The following KCNK2 variants were observed in gnomAD, a reference collection of about 807,000 sequenced individuals.
The protein encoded by KCNK2 is potassium channel subfamily K member 2.
Under a neutral mutation model 40.5 loss-of-function variants are expected in KCNK2, and 21 were observed. The ratio of observed to expected loss-of-function variants is 0.52; its 90% CI spans 0.37 to 0.75. The LOEUF is 0.75. KCNK2 is among the 30% of genes least tolerant of loss of function. The probability of loss-of-function intolerance (pLI) is 0.00; values close to 1 mark genes in which losing one functional copy is unlikely to be tolerated. For synonymous variants in KCNK2, 191 were observed against 202.2 expected, an observed-to-expected ratio of 0.94 and a Z score of 0.47; for missense variants, 399 against 531.6, an observed-to-expected ratio of 0.75 and a Z score of 2.45.
At chr1:215,176,429 T>A (rs943567032) in intron 5 of KCNK2, among the ~76,000 whole-genome samples, 1 of 152,116 alleles carries the variant, frequency 6.6e-6, no homozygotes, top group Admixed American at 6.6e-5. Context: ...GCTGCACAGA[T>A]CAACCCATCA....
chr1:215,007,575 C>G (rs1244058300), intron 1 of KCNK2, among the ~76,000 whole-genome samples: 1 of 151,938 alleles, frequency 6.6e-6, no homozygotes, highest in Non-Finnish European at 1.5e-5. Flanking sequence ...TTCTAGTGCT[C>G]TAATTTCTTC....
intron 2 of KCNK2, among the ~76,000 whole-genome samples, chr1:215,124,254 T>G (rs1379185285): frequency 6.6e-6 from 1 of 152,194 alleles, no homozygotes; most frequent in East Asian, 1.9e-4. Context: ...ATGAAGCTAT[T>G]ATATATTATT....
chr1:215,192,752 G>A (rs1276453576), intron 5 of KCNK2, among the ~76,000 whole-genome samples: 1 of 152,122 alleles, frequency 6.6e-6, no homozygotes, highest in Non-Finnish European at 1.5e-5. Context: ...ATCACGAGAT[G>A]CATTTATAAT....
At chr1:215,150,327 A>G (rs776953941) in intron 3 of KCNK2, among the ~76,000 whole-genome samples, 13 of 152,190 alleles carry the variant, frequency 8.5e-5, no homozygotes, top group African/African-American at 2.7e-4. Context: ...TCTATTTGTT[A>G]TCTTATGTGT....
chr1:215,057,297 C>CT (rs1473562977), intron 1 of KCNK2, among the ~76,000 whole-genome samples: 1 of 150,814 alleles, frequency 6.6e-6, no homozygotes, highest in East Asian at 2.0e-4. Context: ...GCAAAATGAT[C>CT]TTTTAAGTGC....
At chr1:215,174,448 A>G (rs1663861428) in intron 5 of KCNK2, among the ~76,000 whole-genome samples, 1 of 152,210 alleles carries the variant, frequency 6.6e-6, no homozygotes. Flanking sequence ...TGACTTGGCA[A>G]TGCGGGCTCT....
In KCNK2 at chr1:215,177,512, A is replaced by G. The variant is rs1419211416; in HGVS notation, c.823+5329A>G. 2.0e-5 allele frequency among the ~76,000 whole-genome samples: 3 copies of G among 151,912 alleles called. No homozygotes were observed. The East Asian group carries it at 5.8e-4, about 29-fold the overall frequency. On this transcript the variant is annotated intron_variant, in intron 5 of 6. Transcript: ENST00000444842. ...GGTCTTACATTTAAATATTTAATCCATCTTGAGTTAATTTTTGTATATGGT... is the reference window on the plus strand; with the variant it reads ...GGTCTTACATTTAAATATTTAATCCGTCTTGAGTTAATTTTTGTATATGGT...
Position 215,083,445 on chromosome 1 carries a change from T to C in KCNK2, c.46+14T>C. The C allele has an allele frequency of 6.3e-7, 1 of 1,582,786 alleles. No homozygotes were observed. Among genetic ancestry groups the C allele is most frequent in the South Asian group, 1.1e-5 (1 of 89,196 alleles). ...ATAGAGCAGGAGGTGAGACCCCCCCTCCGGTACCCCCACCCCTCTGGCCGC... is the reference window on the plus strand; with the variant it reads ...ATAGAGCAGGAGGTGAGACCCCCCCCCCGGTACCCCCACCCCTCTGGCCGC... On this transcript the variant is annotated intron_variant, in intron 1 of 6. Transcript: ENST00000444842.
chr1:215,029,259 T>C lies in KCNK2; in HGVS notation c.34+23304T>C, dbSNP rs560872393. On this transcript the variant is annotated intron_variant, in intron 1 of 6. Transcript: ENST00000391895. The stretch of plus-strand genomic sequence containing the variant: ...GTTTCATTTTCACTGCCCTAAAAAT[T>C]CTCTGTATTTCACCTAATTCATCCC... Among the ~76,000 whole-genome samples the C allele has an allele frequency of 2.6e-5, 4 of 152,090 alleles. No individual in the cohort carries two copies. In the South Asian group the frequency reaches 8.3e-4, roughly 32 times the overall value.
At chr1:215,109,487 A>C (rs1164784373) in intron 2 of KCNK2, among the ~76,000 whole-genome samples, 1 of 152,028 alleles carries the variant, frequency 6.6e-6, no homozygotes, top group Admixed American at 6.6e-5. Flanking sequence ...GGCTTATCTT[A>C]ATTAATGTAA....
intron 1 of KCNK2, among the ~76,000 whole-genome samples, chr1:215,059,887 C>T (rs1396755229): frequency 1.3e-5 from 2 of 152,198 alleles, no homozygotes; most frequent in Admixed American, 1.3e-4. Context: ...ACACCCATGG[C>T]TGACGTTCTG....
chr1:215,034,995 C>T (rs1431957509), intron 1 of KCNK2, among the ~76,000 whole-genome samples: 2 of 151,990 alleles, frequency 1.3e-5, no homozygotes, highest in East Asian at 1.9e-4. Context: ...AACCTGGCTT[C>T]CATTACCTAC....
chr1:215,070,016 A>T (rs1323029186), intron 1 of KCNK2, among the ~76,000 whole-genome samples: 1 of 152,162 alleles, frequency 6.6e-6, no homozygotes, highest in Non-Finnish European at 1.5e-5. Flanking sequence ...CATACTCATG[A>T]TGTGCACTAA....
chr1:215,226,959 C>T (rs1019713287), intron 6 of KCNK2, among the ~76,000 whole-genome samples: 5 of 152,094 alleles, frequency 3.3e-5, no homozygotes, highest in African/African-American at 4.8e-5. Flanking sequence ...TGCTTTTCAC[C>T]GGCTGCATCT....
chr1:215,111,472 G>A (rs1470552033), intron 2 of KCNK2, among the ~76,000 whole-genome samples: 1 of 151,786 alleles, frequency 6.6e-6, no homozygotes, highest in Non-Finnish European at 1.5e-5. Context: ...CTTTTAACTG[G>A]ATACTATCAA....
At chr1:215,094,474 C>T (rs926964594) in intron 2 of KCNK2, among the ~76,000 whole-genome samples, 11 of 151,976 alleles carry the variant, frequency 7.2e-5, no homozygotes, top group African/African-American at 2.4e-4. Flanking sequence ...AATTGGGCTA[C>T]CAAATGGGGA....
intron 1 of KCNK2, among the ~76,000 whole-genome samples, chr1:215,016,397 T>C (rs1368816795): frequency 1.3e-5 from 2 of 152,038 alleles, no homozygotes; most frequent in East Asian, 1.9e-4. Flanking sequence ...GGTACTGGCA[T>C]AAAAACAGAC....
intron 1 of KCNK2, among the ~76,000 whole-genome samples, chr1:215,021,710 T>A (rs1471741191): frequency 6.6e-6 from 1 of 152,038 alleles, no homozygotes. Flanking sequence ...CACGCCTGGC[T>A]AATTCTTTTT....
intron 6 of KCNK2, among the ~76,000 whole-genome samples, chr1:215,224,259 C>T (rs111753032): frequency 1.3e-5 from 2 of 152,000 alleles, no homozygotes; most frequent in Admixed American, 6.5e-5. Context: ...AAGTGGGTAA[C>T]CCCACTTAGA....
Sources: allele counts gnomAD v4.1 joint callset (sites outside exome capture counted in the v4.1 genomes callset), GRCh38; gene constraint gnomAD v4.1.1; transcripts MANE v1.5; gene names NCBI Gene and HGNC (gene_info 2026-07-23, HGNC 2026-07-21).